RBMS3: variants seen among roughly 807,000 people sequenced by gnomAD.
RBMS3 encodes the protein RNA-binding motif, single-stranded-interacting protein 3.
Under a neutral mutation model 66.8 loss-of-function variants are expected in RBMS3, and 27 were observed. The ratio of observed to expected loss-of-function variants is 0.40; its 90% CI spans 0.30 to 0.56. RBMS3 has a LOEUF of 0.56. Among genes scored for constraint, RBMS3 ranks in the 20% least tolerant of loss-of-function variants. The pLI, the probability that RBMS3 is intolerant of heterozygous loss-of-function variation, is 0.40. For synonymous variants in RBMS3, 188 were observed against 183.0 expected (o/e 1.03, Z -0.22); for missense variants, 513 against 549.5 (o/e 0.93, Z 0.66).
At chr3:29,371,750 C>A (rs2038214915) in intron 1 of RBMS3, among the ~76,000 whole-genome samples, 1 of 151,978 alleles carries the variant, frequency 6.6e-6, no homozygotes, top group African/African-American at 2.4e-5. Flanking sequence ...CAAGAAAGGT[C>A]CAGAGTAAAG....
intron 10 of RBMS3, among the ~76,000 whole-genome samples, chr3:29,916,752 G>A (rs983545702): frequency 8.5e-5 from 13 of 152,074 alleles, no homozygotes; most frequent in African/African-American, 2.9e-4. Flanking sequence ...AAAAATGTAT[G>A]TGTATTTGAA....
At position 29,513,330 on chromosome 3, in the gene RBMS3, G is replaced by A. The variant is rs369850728; in HGVS notation, c.307+24831G>A. Among the ~76,000 whole-genome samples, 14 of 152,208 alleles carry A rather than the reference G, an allele frequency of 9.2e-5. No individual in the cohort carries two copies. The East Asian group carries it at 1.5e-3, about 17-fold the overall frequency. On this transcript the variant is annotated intron_variant, in intron 3 of 14. Transcript: ENST00000383767. ...TAAGCTAGGCTGCAGGAATTGAGCC[G>A]AAGATATCACTAACCAAAGACCTGA...
At chr3:29,335,819 C>G (rs919431989) in intron 1 of RBMS3, among the ~76,000 whole-genome samples, 1 of 151,978 alleles carries the variant, frequency 6.6e-6, no homozygotes, top group Non-Finnish European at 1.5e-5. Context: ...CTTTTTCTCT[C>G]TTCCCTCCTT....
chr3:29,431,787 G>A (rs141719840), intron 1 of RBMS3, among the ~76,000 whole-genome samples: 63 of 152,104 alleles, frequency 4.1e-4, no homozygotes, highest in African/African-American at 1.4e-3. Flanking sequence ...GTGCAGTGGC[G>A]CCATCATGGC....
At chr3:29,743,162 C>A (rs945130012) in intron 5 of RBMS3, among the ~76,000 whole-genome samples, 1 of 152,166 alleles carries the variant, frequency 6.6e-6, no homozygotes, top group Non-Finnish European at 1.5e-5. Flanking sequence ...TCCTACTTCC[C>A]TATAACATTG....
At chr3:29,853,429 T>C (rs1475751296) in intron 6 of RBMS3, among the ~76,000 whole-genome samples, 2 of 142,472 alleles carry the variant, frequency 1.4e-5, no homozygotes, top group African/African-American at 2.7e-5. Flanking sequence ...CTTTCTTTTT[T>C]TTTTTTTTTT....
chr3:29,888,221 A>G (rs192152647), intron 8 of RBMS3, among the ~76,000 whole-genome samples: 2 of 151,926 alleles, frequency 1.3e-5, no homozygotes, highest in Admixed American at 1.3e-4. Flanking sequence ...GACATTTACA[A>G]CAATGAATAT....
At chr3:29,406,846 A>T (rs1297540330) in intron 1 of RBMS3, among the ~76,000 whole-genome samples, 1 of 152,270 alleles carries the variant, frequency 6.6e-6, no homozygotes, top group Non-Finnish European at 1.5e-5. Context: ...ATTGTTAAGT[A>T]GTAAAACAAT....
At chr3:29,946,536 A>G (rs1398560182) in intron 12 of RBMS3, among the ~76,000 whole-genome samples, 2 of 151,820 alleles carry the variant, frequency 1.3e-5, no homozygotes, top group East Asian at 1.9e-4. Flanking sequence ...TTAAAATATT[A>G]TGGTATAATA....
At chr3:29,793,198 T>A (rs1420221570) in intron 6 of RBMS3, among the ~76,000 whole-genome samples, 1 of 151,428 alleles carries the variant, frequency 6.6e-6, no homozygotes, top group Non-Finnish European at 1.5e-5. Flanking sequence ...ACCACTGCAC[T>A]TCAGTCTGGG....
At chr3:29,772,341 A>G (rs2056246887) in intron 6 of RBMS3, among the ~76,000 whole-genome samples, 1 of 152,100 alleles carries the variant, frequency 6.6e-6, no homozygotes, top group Non-Finnish European at 1.5e-5. Flanking sequence ...GAAAGCTAAT[A>G]TACTAGTATA....
chr3:29,836,824 C>A (rs1418703668), intron 6 of RBMS3, among the ~76,000 whole-genome samples: 1 of 151,312 alleles, frequency 6.6e-6, no homozygotes, highest in East Asian at 1.9e-4. Flanking sequence ...ACATTGTACA[C>A]CTTAAATATA....
At chr3:29,920,446 A>T (rs13316189) in intron 10 of RBMS3, among the ~76,000 whole-genome samples, 7,665 of 152,226 alleles carry the variant, frequency 0.05, 272 homozygotes, top group African/African-American at 0.097. Context: ...ACAGGTAAAT[A>T]AAAAGTTTTC....
intron 1 of RBMS3, among the ~76,000 whole-genome samples, chr3:29,342,246 G>A (rs1052386568): frequency 1.3e-5 from 2 of 152,048 alleles, no homozygotes; most frequent in South Asian, 2.1e-4. Flanking sequence ...TAGATCATCC[G>A]AGGAGATTTG....
chr3:29,463,461 T>C lies in RBMS3; in HGVS notation c.249-24980T>C, dbSNP rs75185604. On this transcript the variant is annotated intron_variant, in intron 2 of 14. Transcript: ENST00000383767. ...TGAATCATTCTTCAGAGACAAGGTATGTTCCTTCCCAGGCATAGAATCTCG... is the reference window on the plus strand; with the variant it reads ...TGAATCATTCTTCAGAGACAAGGTACGTTCCTTCCCAGGCATAGAATCTCG... 2.8e-3 allele frequency among the ~76,000 whole-genome samples: 419 copies of C among 152,286 alleles called. 4 individuals carry two copies. Among genetic ancestry groups the C allele is most frequent in the African/African-American group, 9.8e-3 (406 of 41,574 alleles).
intron 6 of RBMS3, among the ~76,000 whole-genome samples, chr3:29,865,509 GCAGAATAAAAAT>G (rs1301892409): frequency 6.6e-6 from 1 of 152,178 alleles, no homozygotes; most frequent in African/African-American, 2.4e-5. Flanking sequence ...CAGCCGTAAG[GCAGAATAAAAAT>G]CTGGAAATTA....
rs150833157 is a variant in RBMS3 at position 29,769,416 on chromosome 3, A to C, written c.637+6427A>C. 3.9e-5 allele frequency among the ~76,000 whole-genome samples: 6 copies of C among 152,062 alleles called. No homozygotes were observed. The East Asian group carries it at 1.2e-3, about 30-fold the overall frequency. ...GAGGTGGACATCAAATATGACATCC[A>C]ATGTGTGAATGCCTACAGCTGGCTG... On this transcript the variant is annotated intron_variant, in intron 6 of 14. Transcript: ENST00000383767.
chr3:29,558,867 G>T (rs2046444287), intron 3 of RBMS3, among the ~76,000 whole-genome samples: 1 of 152,228 alleles, frequency 6.6e-6, no homozygotes, highest in East Asian at 1.9e-4. Flanking sequence ...CACACATTGA[G>T]AACCACTGAT....
At chr3:29,297,732 G>T (rs942929863) in intron 1 of RBMS3, among the ~76,000 whole-genome samples, 5 of 151,758 alleles carry the variant, frequency 3.3e-5, no homozygotes, top group Admixed American at 6.6e-5. Flanking sequence ...CTCATTTAAG[G>T]TTCCAGGATA....
Sources: allele counts gnomAD v4.1 joint callset (sites outside exome capture counted in the v4.1 genomes callset), GRCh38; gene constraint gnomAD v4.1.1; transcripts MANE v1.5; gene names NCBI Gene and HGNC (gene_info 2026-07-23, HGNC 2026-07-21).